KLRF1: variants seen among roughly 807,000 people sequenced by gnomAD.
The protein encoded by KLRF1 is killer cell lectin-like receptor subfamily F member 1.
A neutral mutation model predicts 30.7 loss-of-function variants in KLRF1; 27 were observed. The ratio of observed to expected loss-of-function variants is 0.88; its 90% CI spans 0.65 to 1.21. The LOEUF is 1.21. Among genes scored for constraint, KLRF1 ranks in the 50% most tolerant of loss-of-function variants. The probability of loss-of-function intolerance (pLI) is 0.00; values close to 1 mark genes in which losing one functional copy is unlikely to be tolerated. For missense variants in KLRF1, 246 were observed against 259.3 expected (o/e 0.95, Z 0.35); for synonymous variants, 92 against 89.3 (o/e 1.03, Z -0.17).
the KLRF1 span, among the ~76,000 whole-genome samples, chr12:9,819,044 G>C: frequency 1.3e-5 from 2 of 152,180 alleles, no homozygotes; most frequent in African/African-American, 4.8e-5. Flanking sequence ...AGCAGTGAGT[G>C]ACTGAGCACC....
the KLRF1 span, among the ~76,000 whole-genome samples, chr12:9,812,027 A>C: frequency 1.3e-3 from 198 of 152,314 alleles, 1 homozygote; most frequent in South Asian, 3.1e-3. Context: ...AGCTGTCTGT[A>C]ACTGGTTTAA....
chr12:9,807,939 A>T, the KLRF1 span, among the ~76,000 whole-genome samples: 139 of 152,266 alleles, frequency 9.1e-4, 1 homozygote, highest in African/African-American at 3.2e-3. Context: ...AATAAAAACA[A>T]CCATCAAGCA....
chr12:9,840,082 G>A (rs1368328951), intron 3 of KLRF1, among the ~76,000 whole-genome samples: 1 of 152,054 alleles, frequency 6.6e-6, no homozygotes, highest in African/African-American at 2.4e-5. Context: ...TGTGCTGAAT[G>A]AATGAAAAAG....
the KLRF1 span, among the ~76,000 whole-genome samples, chr12:9,815,671 T>G: frequency 8.5e-5 from 13 of 152,362 alleles, no homozygotes; most frequent in African/African-American, 3.1e-4. Flanking sequence ...CCTAGCATTG[T>G]ATTTACCAAG....
chr12:9,830,958 A>G (rs960400272), intron 1 of KLRF1, among the ~76,000 whole-genome samples: 1 of 151,466 alleles, frequency 6.6e-6, no homozygotes, highest in Non-Finnish European at 1.5e-5. Flanking sequence ...ATTTTTTTTT[A>G]CTTTTATTTT....
chr12:9,828,492 A>G (rs1020919393), intron 1 of KLRF1, among the ~76,000 whole-genome samples: 1 of 152,264 alleles, frequency 6.6e-6, no homozygotes, highest in Non-Finnish European at 1.5e-5. Flanking sequence ...TACTTCAAGC[A>G]TACCCTCCAT....
chr12:9,805,678 C>T, the KLRF1 span, among the ~76,000 whole-genome samples: 3 of 151,920 alleles, frequency 2.0e-5, no homozygotes, highest in Middle Eastern at 3.2e-3. Flanking sequence ...AGTTTTAAAA[C>T]CACTGATTTA....
At chr12:9,829,819 A>G (rs767854719) in intron 1 of KLRF1, among the ~76,000 whole-genome samples, 1 of 152,328 alleles carries the variant, frequency 6.6e-6, no homozygotes, top group East Asian at 1.9e-4. Context: ...TCCACCTTGC[A>G]TAAATCCAGC....
chr12:9,816,408 A>G, the KLRF1 span, among the ~76,000 whole-genome samples: 6 of 152,196 alleles, frequency 3.9e-5, no homozygotes, highest in African/African-American at 1.2e-4. Flanking sequence ...AGCAACATAT[A>G]TTGGTAAGGC....
intron 1 of KLRF1, among the ~76,000 whole-genome samples, chr12:9,831,636 C>T (rs1867430473): frequency 6.6e-6 from 1 of 151,976 alleles, no homozygotes; most frequent in South Asian, 2.1e-4. Context: ...AAGTCAGTGC[C>T]CAGCAGACCT....
chr12:9,823,234 A>AC (rs1012303119), upstream of KLRF1, among the ~76,000 whole-genome samples: 18 of 145,016 alleles, frequency 1.2e-4, no homozygotes, highest in East Asian at 3.9e-4. Flanking sequence ...CAAAAAAAAA[A>AC]AACAAAAACT....
chr12:9,841,014 G>A (rs989916135), intron 3 of KLRF1, among the ~76,000 whole-genome samples: 6 of 152,048 alleles, frequency 3.9e-5, no homozygotes, highest in Non-Finnish European at 7.4e-5. Flanking sequence ...GTTCATTGCA[G>A]CACTATTCGC....
At chr12:9,841,472 A>C (rs950592023) in intron 3 of KLRF1, among the ~76,000 whole-genome samples, 1 of 152,048 alleles carries the variant, frequency 6.6e-6, no homozygotes, top group African/African-American at 2.4e-5. Flanking sequence ...GTTAAAAAAA[A>C]CCTTTGTGTG....
intron 2 of KLRF1, 28 bp from the exon 3 acceptor site, chr12:9,833,275 C>T: frequency 4.7e-6 from 7 of 1,503,098 alleles, no homozygotes; most frequent in South Asian, 2.7e-5. Flanking sequence ...AGATATTTAC[C>T]TAACCTTAAA....
the KLRF1 span, among the ~76,000 whole-genome samples, chr12:9,800,667 C>T: frequency 6.6e-6 from 1 of 152,074 alleles, no homozygotes; most frequent in East Asian, 1.9e-4. Flanking sequence ...ATCTTCTTAA[C>T]AAGGTATCTG....
the KLRF1 span, among the ~76,000 whole-genome samples, chr12:9,807,026 G>T: frequency 2.0e-5 from 3 of 151,800 alleles, no homozygotes; most frequent in African/African-American, 7.3e-5. Flanking sequence ...TGGCGTTAAT[G>T]TAATACCTCC....
chr12:9,815,024 G>A, the KLRF1 span, among the ~76,000 whole-genome samples: 1 of 152,132 alleles, frequency 6.6e-6, no homozygotes, highest in African/African-American at 2.4e-5. Context: ...ATAAATGCTT[G>A]AGGTGATGGA....
chr12:9,811,559 T>G, the KLRF1 span, among the ~76,000 whole-genome samples: 1 of 152,066 alleles, frequency 6.6e-6, no homozygotes, highest in Non-Finnish European at 1.5e-5. Flanking sequence ...CAATCCAAGC[T>G]GAGAGAGAGG....
At chr12:9,834,300 G>C (rs571826594) in intron 3 of KLRF1, among the ~76,000 whole-genome samples, 58 of 152,114 alleles carry the variant, frequency 3.8e-4, no homozygotes, top group Non-Finnish European at 7.2e-4. Context: ...TCAGGTCACA[G>C]GGGATGCGAT....
Sources: allele counts gnomAD v4.1 joint callset (sites outside exome capture counted in the v4.1 genomes callset), GRCh38; gene constraint gnomAD v4.1.1; transcripts MANE v1.5; gene names NCBI Gene and HGNC (gene_info 2026-07-23, HGNC 2026-07-21).